Variants in LTBP1 observed in about 807,000 individuals in gnomAD.
The protein encoded by LTBP1 is latent-transforming growth factor beta-binding protein 1.
A neutral mutation model predicts 207.6 loss-of-function variants in LTBP1; 129 were observed. The observed-to-expected ratio is 0.62, with a 90% CI of 0.54 to 0.72. The LOEUF (loss-of-function observed/expected upper bound fraction) is 0.72. Ranked by LOEUF, LTBP1 falls within the 30% of genes least tolerant of loss-of-function variation. The pLI is 0.00. For missense variants in LTBP1, 2,281 were observed against 2,217.2 expected (o/e 1.03, Z -0.58); for synonymous variants, 963 against 833.7 (o/e 1.16, Z -2.67).
chr2:33,243,897 C>G, intron 10 of LTBP1, 113 bp downstream of exon 10: 1 of 1,201,144 alleles, frequency 8.3e-7, no homozygotes, highest in Non-Finnish European at 1.2e-6. Context: ...ACAGGAAAAC[C>G]TCATTAATTA....
At chr2:33,348,578 C>A (rs942120565) in intron 26 of LTBP1, among the ~76,000 whole-genome samples, 1 of 152,134 alleles carries the variant, frequency 6.6e-6, no homozygotes, top group African/African-American at 2.4e-5. Context: ...ATCTGGTTGG[C>A]CACTAACAGA....
At chr2:33,079,174 A>G (rs72869693) in intron 3 of LTBP1, among the ~76,000 whole-genome samples, 2,778 of 152,208 alleles carry the variant, frequency 0.018, 83 homozygotes, top group African/African-American at 0.063. Context: ...TATTAATGAA[A>G]CACTTTGCAT....
rs115897269 is a variant in LTBP1, at chr2:33,066,066, A to T, written c.864-44516A>T. On this transcript the variant is annotated intron_variant, in intron 3 of 33. Transcript: ENST00000404816. ...ATCTTTTTCTTGTTGAACTCTTTAT[A>T]TAATACTATGAACTTTCTGATATCT... Among the ~76,000 whole-genome samples the T allele has an allele frequency of 4.6e-3, 694 of 152,258 alleles. 7 individuals are homozygous for T. The highest frequency in any genetic ancestry group is 0.016 in the African/African-American group (668 of 41,556).
intron 20 of LTBP1, among the ~76,000 whole-genome samples, chr2:33,295,814 A>G (rs1476176551): frequency 6.6e-6 from 1 of 152,188 alleles, no homozygotes; most frequent in Admixed American, 6.5e-5. Context: ...ATTTCTCACT[A>G]TGGTAGGCAA....
At chr2:32,993,487 C>A (rs1684753367) in intron 2 of LTBP1, among the ~76,000 whole-genome samples, 1 of 152,138 alleles carries the variant, frequency 6.6e-6, no homozygotes, top group South Asian at 2.1e-4. Flanking sequence ...TGTTAGTTTC[C>A]TCAGAAAGAC....
chr2:33,386,788 G>T (rs2095269054), intron 31 of LTBP1, among the ~76,000 whole-genome samples: 1 of 151,652 alleles, frequency 6.6e-6, no homozygotes, highest in African/African-American at 2.4e-5. Flanking sequence ...TACCACAATG[G>T]TGCCACTGCA....
chr2:33,121,959 G>A (rs1222079166), intron 4 of LTBP1, among the ~76,000 whole-genome samples: 1 of 152,030 alleles, frequency 6.6e-6, no homozygotes. Flanking sequence ...TTATTCATCC[G>A]AGAATAAATA....
chr2:33,379,605 G>A (rs1183779549), intron 31 of LTBP1, among the ~76,000 whole-genome samples: 1 of 152,228 alleles, frequency 6.6e-6, no homozygotes, highest in African/African-American at 2.4e-5. Flanking sequence ...GTATCTGATA[G>A]TGAACAGATC....
At chr2:33,350,217 G>A (rs1559051616) in intron 26 of LTBP1, among the ~76,000 whole-genome samples, 1 of 152,218 alleles carries the variant, frequency 6.6e-6, no homozygotes, top group East Asian at 1.9e-4. Flanking sequence ...TAAATTTCCA[G>A]TATAGGCTAT....
At chr2:33,174,736 A>T (rs922214254) in intron 5 of LTBP1, among the ~76,000 whole-genome samples, 1 of 152,214 alleles carries the variant, frequency 6.6e-6, no homozygotes, top group Non-Finnish European at 1.5e-5. Flanking sequence ...TGGAGGCATC[A>T]CACTACCTGA....
intron 2 of LTBP1, among the ~76,000 whole-genome samples, chr2:33,006,219 G>C (rs1285531693): frequency 6.6e-6 from 1 of 151,978 alleles, no homozygotes; most frequent in African/African-American, 2.4e-5. Flanking sequence ...CACTGCACCT[G>C]GCCTGCTCTT....
At chr2:33,097,181 A>G (rs938202562) in intron 3 of LTBP1, among the ~76,000 whole-genome samples, 5 of 152,156 alleles carry the variant, frequency 3.3e-5, no homozygotes, top group African/African-American at 1.2e-4. Context: ...TAATGTATCC[A>G]CCGTGGTCTC....
intron 15 of LTBP1, among the ~76,000 whole-genome samples, chr2:33,272,268 A>G (rs817529): frequency 0.36 from 54,563 of 152,102 alleles, 10,681 homozygotes; most frequent in Admixed American, 0.42. Context: ...TGCAGAATAG[A>G]CAGTGTGTTA....
chr2:33,278,109 G>C (rs967196686), intron 18 of LTBP1, among the ~76,000 whole-genome samples: 1 of 151,822 alleles, frequency 6.6e-6, no homozygotes, highest in Non-Finnish European at 1.5e-5. Flanking sequence ...TGGGATTACA[G>C]GTGTGAGCTA....
chr2:33,287,335 C>G (rs1165516762), intron 19 of LTBP1, among the ~76,000 whole-genome samples: 1 of 152,204 alleles, frequency 6.6e-6, no homozygotes, highest in African/African-American at 2.4e-5. Context: ...GATGTGACCT[C>G]TGATCTTTTA....
intron 14 of LTBP1, 142 bp downstream of exon 14, chr2:33,262,963 T>A: frequency 1.8e-6 from 1 of 550,608 alleles, no homozygotes; most frequent in South Asian, 3.2e-5. Context: ...TATACTTATA[T>A]AATGTTAGCA....
chr2:32,995,005 C>T (rs1025010636), intron 2 of LTBP1, among the ~76,000 whole-genome samples: 4 of 152,112 alleles, frequency 2.6e-5, no homozygotes, highest in Middle Eastern at 6.8e-3. Flanking sequence ...ACCTGGACAA[C>T]GCAGAGAAAC....
intron 19 of LTBP1, among the ~76,000 whole-genome samples, chr2:33,283,585 C>T (rs183581833): frequency 0.02 from 3,093 of 151,972 alleles, 51 homozygotes; most frequent in Non-Finnish European, 0.032. Context: ...TACAGGCGCC[C>T]GCCACCACGC....
intron 9 of LTBP1, among the ~76,000 whole-genome samples, chr2:33,241,922 A>G (rs1440959248): frequency 1.3e-5 from 2 of 152,194 alleles, no homozygotes; most frequent in Non-Finnish European, 2.9e-5. Context: ...AACAACACAC[A>G]CTTCAATAAA....
Sources: gnomAD v4.1 joint callset for allele counts (sites outside exome capture counted in the v4.1 genomes callset) on GRCh38, gnomAD v4.1.1 for gene constraint, MANE v1.5 for transcripts, NCBI Gene and HGNC (gene_info 2026-07-23, HGNC 2026-07-21) for gene names.